The following PTPRG variants were observed in gnomAD, a reference collection of about 807,000 sequenced individuals.
PTPRG encodes receptor-type tyrosine-protein phosphatase gamma.
A neutral mutation model predicts 165.3 loss-of-function variants in PTPRG; 102 were observed. That is an observed-to-expected ratio of 0.62 (90% CI 0.53 to 0.73). The LOEUF is 0.73. Among genes scored for constraint, PTPRG ranks in the 30% least tolerant of loss-of-function variants. The pLI is 0.00. For synonymous variants in PTPRG, 675 were observed against 669.5 expected (o/e 1.01, Z -0.13); for missense variants, 1,866 against 1,861.4 (o/e 1.00, Z -0.05).
chr3:61,684,275 G>T (rs987184211), intron 1 of PTPRG, among the ~76,000 whole-genome samples: 1 of 152,184 alleles, frequency 6.6e-6, no homozygotes, highest in African/African-American at 2.4e-5. Flanking sequence ...ACATCAGTAT[G>T]CTGCTGCCAG....
chr3:61,830,405 A>G (rs928616140), intron 2 of PTPRG, among the ~76,000 whole-genome samples: 4 of 151,670 alleles, frequency 2.6e-5, no homozygotes, highest in African/African-American at 9.7e-5. Context: ...AAATCTGTCA[A>G]TCTCTCCAAC....
chr3:61,785,681 G>A (rs17065390), intron 2 of PTPRG, among the ~76,000 whole-genome samples: 2,056 of 152,292 alleles, frequency 0.014, 37 homozygotes, highest in African/African-American at 0.045. Context: ...CGAATTGAAA[G>A]CATGAGGGTC....
At chr3:61,893,477 G>C (rs2038270871) in intron 2 of PTPRG, among the ~76,000 whole-genome samples, 1 of 152,222 alleles carries the variant, frequency 6.6e-6, no homozygotes, top group South Asian at 2.1e-4. Context: ...ATTATTGACT[G>C]TAGGTGGAAG....
At chr3:61,904,602 C>A (rs1387324747) in intron 2 of PTPRG, among the ~76,000 whole-genome samples, 2 of 152,138 alleles carry the variant, frequency 1.3e-5, no homozygotes, top group Non-Finnish European at 2.9e-5. Context: ...TACCTAGTTT[C>A]ATGGTTGGCT....
At chr3:61,879,890 A>T (rs1397804272) in intron 2 of PTPRG, among the ~76,000 whole-genome samples, 1 of 152,210 alleles carries the variant, frequency 6.6e-6, no homozygotes, top group Non-Finnish European at 1.5e-5. Flanking sequence ...CCTTTACGTT[A>T]TAATGAAACA....
intron 2 of PTPRG, among the ~76,000 whole-genome samples, chr3:61,968,993 A>C (rs1222335298): frequency 4.6e-5 from 7 of 152,214 alleles, no homozygotes; most frequent in African/African-American, 1.7e-4. Context: ...ATTAAAACTA[A>C]GAGCACAAAC....
intron 1 of PTPRG, among the ~76,000 whole-genome samples, chr3:61,622,774 A>C (rs1701500218): frequency 1.3e-5 from 2 of 152,198 alleles, no homozygotes; most frequent in Non-Finnish European, 2.9e-5. Context: ...ATTACTAAGC[A>C]AAGGTGAAGG....
At chr3:62,080,610 T>C (rs775372172) in intron 5 of PTPRG, among the ~76,000 whole-genome samples, 1 of 152,168 alleles carries the variant, frequency 6.6e-6, no homozygotes, top group Non-Finnish European at 1.5e-5. Flanking sequence ...TTCTACTTCA[T>C]AGGGAACCTT....
In PTPRG at chr3:62,281,706, A is replaced by C. The variant is rs755022934; in HGVS notation, c.3909A>C (p.Thr1303=). 1 of 1,610,492 alleles carries C rather than the reference A, an allele frequency of 6.2e-7. No individual in the cohort carries two copies. The highest frequency in any genetic ancestry group is 8.5e-7 in the Non-Finnish European group (1 of 1,178,098). ...IIIHDFILEA[T]QDDYVLEVRH... Reference sequence around the variant, plus strand: ...TCCATGACTTTATCCTTGAAGCTACACAGGTAACCTAAACCTCAGTTCCTC... The same window carrying C: ...TCCATGACTTTATCCTTGAAGCTACCCAGGTAACCTAAACCTCAGTTCCTC... The change falls in exon 27 of 30, where the codon ACA becomes ACC. Residue 1303 remains threonine (T), a synonymous_variant. Coordinates refer to ENST00000474889, the MANE Select transcript of PTPRG (RefSeq NM_002841.4).
intron 1 of PTPRG, among the ~76,000 whole-genome samples, chr3:61,738,406 AATATAAAAGGCCT>A (rs949206467): frequency 3.2e-4 from 48 of 150,120 alleles, no homozygotes; most frequent in African/African-American, 1.1e-3. Context: ...ATGACTCAAC[AATATAAAAGGCCT>A]ATATAAAAGG....
intron 1 of PTPRG, among the ~76,000 whole-genome samples, chr3:61,655,655 T>G (rs1702489669): frequency 6.6e-6 from 1 of 152,122 alleles, no homozygotes; most frequent in South Asian, 2.1e-4. Flanking sequence ...TGGAGTGTGG[T>G]GGCAGGATCA....
chr3:61,694,055 T>A (rs2030404043), intron 1 of PTPRG, among the ~76,000 whole-genome samples: 1 of 149,008 alleles, frequency 6.7e-6, no homozygotes, highest in African/African-American at 2.5e-5. Context: ...GAAGCAAGGC[T>A]TTAAAAAGTA....
intron 2 of PTPRG, among the ~76,000 whole-genome samples, chr3:61,942,086 G>A (rs929030857): frequency 6.6e-6 from 1 of 151,292 alleles, no homozygotes; most frequent in Admixed American, 6.6e-5. Context: ...TTGAACCCTT[G>A]TGGTGGAGGT....
At position 62,095,471 on chromosome 3, in the gene PTPRG, T is replaced by C. The variant is rs140325631; in HGVS notation, c.615+17213T>C. 1.2e-4 allele frequency among the ~76,000 whole-genome samples: 18 copies of C among 152,326 alleles called. No homozygotes were observed. The East Asian group carries it at 3.5e-3, about 29-fold the overall frequency. ...AGAAGAGTGTTACTGTCTCAGCCTG[T>C]CTAGCTTATACATATATAGTATAAC... On this transcript the variant is annotated intron_variant, in intron 5 of 29. Transcript: ENST00000474889.
At chr3:61,968,223 G>A (rs1183328675) in intron 2 of PTPRG, among the ~76,000 whole-genome samples, 1 of 152,108 alleles carries the variant, frequency 6.6e-6, no homozygotes, top group East Asian at 1.9e-4. Flanking sequence ...TGGTGTGATG[G>A]TTTATGCAAT....
chr3:61,926,968 G>A (rs952112759), intron 2 of PTPRG, among the ~76,000 whole-genome samples: 2 of 152,152 alleles, frequency 1.3e-5, no homozygotes, highest in African/African-American at 2.4e-5. Flanking sequence ...GTAATGTAGT[G>A]CATGCAGATG....
chr3:61,687,564 A>C (rs905061653), intron 1 of PTPRG, among the ~76,000 whole-genome samples: 1 of 152,194 alleles, frequency 6.6e-6, no homozygotes, highest in Non-Finnish European at 1.5e-5. Flanking sequence ...AAACCAAATC[A>C]CTGCAGTGAA....
intron 7 of PTPRG, among the ~76,000 whole-genome samples, chr3:62,165,389 AGTTCATAT>A (rs1422282998): frequency 6.6e-6 from 1 of 152,206 alleles, no homozygotes; most frequent in Non-Finnish European, 1.5e-5. Context: ...CTGTCAAGTG[AGTTCATAT>A]CATGAGGTGG....
At chr3:62,212,757 C>A (rs1487107411) in intron 12 of PTPRG, among the ~76,000 whole-genome samples, 1 of 152,164 alleles carries the variant, frequency 6.6e-6, no homozygotes, top group Non-Finnish European at 1.5e-5. Context: ...CGTGGGAATT[C>A]AGGCTTTTGT....
Sources: allele counts gnomAD v4.1 joint callset (sites outside exome capture counted in the v4.1 genomes callset), GRCh38; gene constraint gnomAD v4.1.1; transcripts MANE v1.5; gene names NCBI Gene and HGNC (gene_info 2026-07-23, HGNC 2026-07-21).